Variants in ITPK1 observed in about 807,000 individuals in gnomAD.
The protein encoded by ITPK1 is inositol 1,3,4-trisphosphate 5/6-kinase.
ITPK1 carries 21 observed loss-of-function variants against 45.3 expected under a neutral mutation model. The observed-to-expected ratio is 0.46, with a 90% confidence interval of 0.33 to 0.67. The LOEUF is 0.67. Among genes scored for constraint, ITPK1 ranks in the 30% least tolerant of loss-of-function variants. The pLI is 0.02. For missense variants in ITPK1, 474 were observed against 573.5 expected (o/e 0.83, Z 1.77); for synonymous variants, 258 against 253.6 (o/e 1.02, Z -0.16).
chr14:92,962,185 C>T (rs1457023174), intron 7 of ITPK1, among the ~76,000 whole-genome samples, 170 bp downstream of exon 7: 6 of 152,184 alleles, frequency 3.9e-5, no homozygotes, highest in Admixed American at 2.0e-4. Flanking sequence ...ACAGCACTCC[C>T]GCTCGATTCC....
rs1442103024 is a variant in ITPK1 at position 92,956,666 on chromosome 14, TAG to T, written c.670+1533_670+1534del. ...AGGAGATCTGACAGTAAATTTCTTT[TAG>T]AGATGGAGTGACCTGGGTAAAAACA... On this transcript the variant is annotated intron_variant, in intron 8 of 10. Transcript: ENST00000267615. Among the ~76,000 whole-genome samples the T allele has an allele frequency of 2.0e-5, 3 of 152,232 alleles. No individual in the cohort carries two copies. In the East Asian group the frequency reaches 5.8e-4, roughly 29 times the overall value.
chr14:92,941,674 C>G lies in ITPK1; in HGVS notation c.1132G>C (p.Ala378Pro). 1 of 1,542,458 alleles carries G rather than the reference C, an allele frequency of 6.5e-7. No individual in the cohort carries two copies. The highest frequency in any genetic ancestry group is 8.7e-7 in the Non-Finnish European group (1 of 1,146,590). Residue 378 changes from alanine to proline, a missense_variant, in exon 11 of 11, where the codon GCG becomes CCG. By Grantham distance (27) the Ala-to-Pro change is conservative. This residue lies in a region of ITPK1 where 107 missense variants were observed against 92.9 expected (regional missense o/e 1.15). Transcript: ENST00000267615. ...QDAPWKAEAD[A>P]GGTAKLPHQR... Reference sequence around the variant, plus strand: ...TGCGGCAGCTTGGCGGTGCCGCCCGCGTCGGCCTCAGCCTTCCAGGGCGCG... The same window carrying G: ...TGCGGCAGCTTGGCGGTGCCGCCCGGGTCGGCCTCAGCCTTCCAGGGCGCG...
chr14:92,970,523 T>C (rs1484565639), intron 5 of ITPK1, among the ~76,000 whole-genome samples: 1 of 152,186 alleles, frequency 6.6e-6, no homozygotes, highest in Non-Finnish European at 1.5e-5. Flanking sequence ...CCACTCCCGG[T>C]TCCTAGGGGC....
chr14:92,941,873 G>A lies in ITPK1; in HGVS notation c.933C>T (p.Asp311=). The change falls in exon 11 of 11, where the codon GAC becomes GAT. Residue 311 remains aspartate (D), a synonymous_variant. Coordinates refer to ENST00000267615, the MANE Select transcript of ITPK1 (RefSeq NM_014216.6). ...GYEGVSEFFT[D]LLNHIATVLQ... is the part of the protein sequence containing the mutation. ...GGACAGTGGCGATGTGGTTCAGGAG[G>A]TCTGTGAAGAACTCGCTCACGCCCT... 2 of 1,612,686 alleles carry A rather than the reference G, an allele frequency of 1.2e-6. No individual in the cohort carries two copies. The highest frequency in any genetic ancestry group is 1.7e-6 in the Non-Finnish European group (2 of 1,179,950).
chr14:93,055,998 G>A (rs1890201521), intron 3 of ITPK1, among the ~76,000 whole-genome samples: 1 of 152,212 alleles, frequency 6.6e-6, no homozygotes, highest in African/African-American at 2.4e-5. Flanking sequence ...GGCAGGTGAG[G>A]TGTTTAGGCC....
chr14:93,075,352 AAAAAAAAAAG>A lies in ITPK1; in HGVS notation c.120+1233_120+1242del, dbSNP rs1423636913. ...AAAAAAAAAAAAAAAAAAAAAAAAA[AAAAAAAAAAG>A]GAAGAGAAAAAAGAAAAATCTAGTG... On this transcript the variant is annotated intron_variant, in intron 3 of 10. Transcript: ENST00000267615. 3.6e-3 allele frequency among the ~76,000 whole-genome samples: 515 copies of A among 144,232 alleles called. 15 individuals carry two copies. The highest frequency in any genetic ancestry group is 0.014 in the African/African-American group (483 of 35,116). 94.6% of individuals were successfully genotyped at this position (144,232 alleles called of 152,430 possible).
intron 3 of ITPK1, among the ~76,000 whole-genome samples, chr14:93,021,310 G>C (rs951385244): frequency 5.9e-5 from 9 of 152,002 alleles, no homozygotes; most frequent in Admixed American, 5.2e-4. Flanking sequence ...AAGGATGTTG[G>C]GGCCGGACAT....
intron 4 of ITPK1, 80 bp from the exon 5 acceptor site, chr14:92,994,077 C>A: frequency 2.3e-6 from 2 of 865,666 alleles, no homozygotes; most frequent in South Asian, 1.4e-5. Context: ...TCTGCACGTC[C>A]ATCCGTTCCT....
chr14:93,089,741 G>A (rs1222082711), intron 2 of ITPK1, among the ~76,000 whole-genome samples: 3 of 152,168 alleles, frequency 2.0e-5, no homozygotes, highest in Admixed American at 1.3e-4. Context: ...CCAGCTCTCG[G>A]CAGGCGGGCA....
chr14:92,942,043 G>A (rs112372696), intron 10 of ITPK1, 139 bp from the exon 11 acceptor site: 22 of 749,676 alleles, frequency 2.9e-5, no homozygotes, highest in African/African-American at 1.4e-4. Flanking sequence ...CAGAGAAAAC[G>A]TGAGGCTCAG....
chr14:93,076,636 A>C lies in ITPK1; in HGVS notation c.96-17T>G. 1 of 1,614,122 alleles carries C rather than the reference A, an allele frequency of 6.2e-7. No homozygotes were observed. Among genetic ancestry groups the C allele is most frequent in the Non-Finnish European group, 8.5e-7 (1 of 1,180,008 alleles). The stretch of plus-strand genomic sequence containing the variant: ...CCTCGCTTCCTGTGGAGAAAAACAA[A>C]GAAAACAAGCGTTACTCCAGCAGGC... On this transcript the variant is annotated splice_polypyrimidine_tract_variant and intron_variant, in intron 2 of 10. Coordinates refer to ENST00000267615, the MANE Select transcript of ITPK1 (RefSeq NM_014216.6). This position sits in a 1 kb window ranked among gnomAD's most constrained non-coding sequence, Gnocchi z 4.3.
chr14:93,055,451 C>A (rs1270766851), intron 3 of ITPK1, among the ~76,000 whole-genome samples: 2 of 152,164 alleles, frequency 1.3e-5, no homozygotes, highest in Non-Finnish European at 2.9e-5. Flanking sequence ...CCTCCCCCAC[C>A]TCACTCGCCA....
chr14:93,108,165 G>A (rs994021435), intron 2 of ITPK1, among the ~76,000 whole-genome samples: 2 of 152,256 alleles, frequency 1.3e-5, no homozygotes, highest in Non-Finnish European at 2.9e-5. Context: ...AGGCTGGGCT[G>A]GGCCCAATTC....
intron 4 of ITPK1, among the ~76,000 whole-genome samples, chr14:93,002,388 T>C (rs907769048): frequency 1.3e-5 from 2 of 152,070 alleles, no homozygotes; most frequent in East Asian, 1.9e-4. Context: ...TCAAAGCACC[T>C]AGTAGGTGGC....
In ITPK1 at chr14:93,000,038, C is replaced by T. The variant is rs535611789; in HGVS notation, c.247-6041G>A. On this transcript the variant is annotated intron_variant, in intron 4 of 10. Coordinates refer to ENST00000267615, the MANE Select transcript of ITPK1 (RefSeq NM_014216.6). Reference sequence around the variant, plus strand: ...CATGACAGGCTCCTTTTGCTCACATCGTGTTTTAAAATGCATCCATGTTGC... The same window carrying T: ...CATGACAGGCTCCTTTTGCTCACATTGTGTTTTAAAATGCATCCATGTTGC... 1.8e-4 allele frequency among the ~76,000 whole-genome samples: 27 copies of T among 152,310 alleles called. No homozygotes were observed. The South Asian group carries it at 5.6e-3, about 32-fold the overall frequency.
At chr14:92,976,889 C>T (rs1291484548) in intron 5 of ITPK1, among the ~76,000 whole-genome samples, 1 of 152,228 alleles carries the variant, frequency 6.6e-6, no homozygotes, top group Non-Finnish European at 1.5e-5. Flanking sequence ...CTTAAGAACA[C>T]TGAGTCTGGA....
At chr14:93,062,123 T>A (rs1281481039) in intron 3 of ITPK1, among the ~76,000 whole-genome samples, 1 of 152,064 alleles carries the variant, frequency 6.6e-6, no homozygotes, top group Non-Finnish European at 1.5e-5. Flanking sequence ...ATACAAAAAT[T>A]AGCCAGGCAT....
chr14:92,957,252 C>A (rs1219414870), intron 8 of ITPK1, among the ~76,000 whole-genome samples: 1 of 152,226 alleles, frequency 6.6e-6, no homozygotes, highest in East Asian at 1.9e-4. Flanking sequence ...GTTCCCCTTG[C>A]TGAAAGAAAT....
intron 8 of ITPK1, among the ~76,000 whole-genome samples, chr14:92,952,343 G>C (rs781304497): frequency 1.3e-5 from 2 of 152,190 alleles, no homozygotes; most frequent in Admixed American, 6.5e-5. Context: ...AAAAGGGCTC[G>C]GTGGGACAGC....
Sources: allele counts gnomAD v4.1 joint callset (sites outside exome capture counted in the v4.1 genomes callset), GRCh38; gene constraint gnomAD v4.1.1; regional missense constraint gnomAD v4.1.1; non-coding constraint Gnocchi (gnomAD v3.1); transcripts MANE v1.5; gene names NCBI Gene and HGNC (gene_info 2026-07-23, HGNC 2026-07-21).